CLASP1: variants seen among roughly 807,000 people sequenced by gnomAD.
CLASP1 encodes cytoplasmic linker associated protein 1, also known as CLIP-associating protein 1.
Under a neutral mutation model 192.3 loss-of-function variants are expected in CLASP1, and 38 were observed. The ratio of observed to expected loss-of-function variants is 0.20; its 90% confidence interval spans 0.15 to 0.26. The LOEUF (loss-of-function observed/expected upper bound fraction) is 0.26. CLASP1 is among the 10% of genes least tolerant of loss of function. The pLI is 1.00. For synonymous variants in CLASP1, 691 were observed against 712.8 expected, an observed-to-expected ratio of 0.97 and a Z score of 0.49; for missense variants, 1,433 against 1,932.5, an observed-to-expected ratio of 0.74 and a Z score of 4.85.
chr2:121,464,977 T>C lies in CLASP1; in HGVS notation c.866-2372A>G, dbSNP rs558710473. Among the ~76,000 whole-genome samples, 3 of 152,318 alleles carry C rather than the reference T, an allele frequency of 2.0e-5. No homozygotes were observed. The South Asian group carries it at 6.2e-4, about 32-fold the overall frequency. On this transcript the variant is annotated intron_variant, in intron 9 of 39. Coordinates refer to ENST00000263710, the Ensembl canonical transcript of CLASP1. ...TTCTTCCAAATTCGACAACCCTTCA[T>C]GCTAAAAACTCTCAATAAATTAGGT...
intron 19 of CLASP1, among the ~76,000 whole-genome samples, chr2:121,444,636 T>G (rs1032702257): frequency 6.6e-6 from 1 of 152,168 alleles, no homozygotes; most frequent in East Asian, 1.9e-4. Flanking sequence ...ATGAGGACAG[T>G]AGCACACAGT....
chr2:121,614,944 G>C (rs2066210581), intron 1 of CLASP1, among the ~76,000 whole-genome samples: 1 of 152,234 alleles, frequency 6.6e-6, no homozygotes, highest in African/African-American at 2.4e-5. Context: ...TGAAAATTCA[G>C]AGGAAGGAAT....
chr2:121,645,218 AGT>A (rs1284100136), intron 1 of CLASP1, among the ~76,000 whole-genome samples: 1 of 152,210 alleles, frequency 6.6e-6, no homozygotes, highest in East Asian at 1.9e-4. Flanking sequence ...TAATTCTAGA[AGT>A]GTGATATCTG....
intron 8 of CLASP1, among the ~76,000 whole-genome samples, chr2:121,502,788 T>C (rs1413127140): frequency 2.0e-5 from 3 of 152,106 alleles, no homozygotes; most frequent in African/African-American, 7.2e-5. Context: ...GGTTGCTATA[T>C]GAAAAACAGA....
intron 1 of CLASP1, among the ~76,000 whole-genome samples, chr2:121,621,150 A>T (rs1035256771): frequency 6.6e-6 from 1 of 152,082 alleles, no homozygotes; most frequent in Non-Finnish European, 1.5e-5. Flanking sequence ...CCCAGCAGGA[A>T]GTCAAGGCTG....
chr2:121,384,173 C>CACACACACATATATATATATAT (rs2072634559), intron 32 of CLASP1, among the ~76,000 whole-genome samples: 1 of 148,496 alleles, frequency 6.7e-6, no homozygotes, highest in African/African-American at 2.5e-5. Flanking sequence ...TATATATACA[C>CACACACACATATATATATATAT]ACACACACAC....
At chr2:121,399,031 G>A (rs894924287) in intron 28 of CLASP1, among the ~76,000 whole-genome samples, 1 of 152,190 alleles carries the variant, frequency 6.6e-6, no homozygotes, top group South Asian at 2.1e-4. Flanking sequence ...ATTGCACAAT[G>A]GGGCCCACGT....
At chr2:121,555,733 T>C (rs1223466578) in intron 2 of CLASP1, among the ~76,000 whole-genome samples, 3 of 147,314 alleles carry the variant, frequency 2.0e-5, no homozygotes, top group Non-Finnish European at 4.4e-5. Flanking sequence ...CTCTATCAAG[T>C]ACAGTGATGC....
At chr2:121,633,995 C>T (rs12990398) in intron 1 of CLASP1, among the ~76,000 whole-genome samples, 5,760 of 146,588 alleles carry the variant, frequency 0.039, 153 homozygotes, top group Middle Eastern at 0.096. Flanking sequence ...GAGACTCCGT[C>T]TCAAAAAAAA....
At chr2:121,342,328 G>A (rs1436181174) in intron 39 of CLASP1, among the ~76,000 whole-genome samples, 7 of 152,098 alleles carry the variant, frequency 4.6e-5, no homozygotes, top group African/African-American at 1.7e-4. Flanking sequence ...ATGTTGACCA[G>A]GCTAGTCTTG....
chr2:121,620,497 G>A (rs373076831), intron 1 of CLASP1, among the ~76,000 whole-genome samples: 9 of 152,074 alleles, frequency 5.9e-5, no homozygotes, highest in East Asian at 3.9e-4. Context: ...CTACAGGTAC[G>A]CGTCACCACG....
intron 37 of CLASP1, among the ~76,000 whole-genome samples, chr2:121,350,737 G>T (rs1006612049): frequency 6.6e-6 from 1 of 152,146 alleles, no homozygotes; most frequent in Non-Finnish European, 1.5e-5. Flanking sequence ...TCACTATGAA[G>T]CCCCATATGA....
intron 1 of CLASP1, among the ~76,000 whole-genome samples, chr2:121,630,859 T>C (rs2069419227): frequency 7.1e-5 from 5 of 70,488 alleles, no homozygotes; most frequent in African/African-American, 8.3e-5. Context: ...AAACTACGTC[T>C]CAAAAAAAAA....
intron 6 of CLASP1, among the ~76,000 whole-genome samples, chr2:121,518,092 G>A (rs926908836): frequency 4.7e-5 from 7 of 149,844 alleles, no homozygotes; most frequent in South Asian, 4.2e-4. Context: ...TCAGCTGGGC[G>A]TGGTGGCACA....
Position 121,377,663 on chromosome 2 carries a change from A to C in CLASP1, c.3492-14T>G, listed in dbSNP as rs1299518595. The C allele has an allele frequency of 6.5e-7, 1 of 1,534,762 alleles. No homozygotes were observed. The highest frequency in any genetic ancestry group is 8.8e-7 in the Non-Finnish European group (1 of 1,138,676). ...TAGTCCAGCATGCTAAAGATAAAAA[A>C]TATTTTATTTCTTAAATCGAGGCAT... On this transcript the variant is annotated splice_polypyrimidine_tract_variant and intron_variant, in intron 33 of 39. Transcript: ENST00000263710.
At chr2:121,350,728 C>T (rs1464970377) in intron 37 of CLASP1, among the ~76,000 whole-genome samples, 1 of 152,188 alleles carries the variant, frequency 6.6e-6, no homozygotes, top group African/African-American at 2.4e-5. Context: ...GTGGGTTTTT[C>T]ACTATGAAGC....
chr2:121,548,845 G>C (rs7584362), intron 2 of CLASP1, among the ~76,000 whole-genome samples: 30,797 of 151,918 alleles, frequency 0.2, 5,822 homozygotes, highest in African/African-American at 0.5. Flanking sequence ...GGAGAAATAG[G>C]AACCTTTTTC....
At chr2:121,378,414 A>G in intron 33 of CLASP1, among the ~76,000 whole-genome samples, 1 of 152,242 alleles carries the variant, frequency 6.6e-6, no homozygotes, top group East Asian at 1.9e-4. Flanking sequence ...CTGTCTTTAT[A>G]GACATTGGGC....
chr2:121,393,493 T>G (rs1313317774), intron 30 of CLASP1, among the ~76,000 whole-genome samples: 1 of 152,196 alleles, frequency 6.6e-6, no homozygotes, highest in African/African-American at 2.4e-5. Context: ...TAATTTTAAA[T>G]CTTATCAATT....
Sources: gnomAD v4.1 joint callset for allele counts (sites outside exome capture counted in the v4.1 genomes callset) on GRCh38, gnomAD v4.1.1 for gene constraint, MANE v1.5 for transcripts, NCBI Gene and HGNC (gene_info 2026-07-23, HGNC 2026-07-21) for gene names.